The following KIF6 variants were observed in gnomAD, a reference collection of about 807,000 sequenced individuals.
KIF6 encodes kinesin family member 6, also known as kinesin-like protein KIF6.
In KIF6, 106 loss-of-function variants were observed where a neutral mutation model predicts 112.7. The observed-to-expected ratio is 0.94, with a 90% CI of 0.80 to 1.11. The LOEUF is 1.11. Ranked by LOEUF, KIF6 falls within the 50% of genes least tolerant of loss-of-function variation. The pLI is 0.00. For synonymous variants in KIF6, 339 were observed against 339.9 expected (o/e 1.00, Z 0.03); for missense variants, 929 against 964.0 (o/e 0.96, Z 0.48).
intron 3 of KIF6, among the ~76,000 whole-genome samples, chr6:39,676,901 G>A (rs1344166846): frequency 6.6e-6 from 1 of 152,030 alleles, no homozygotes; most frequent in East Asian, 1.9e-4. Context: ...GATTGCAAAT[G>A]TTGGCAAACC....
chr6:39,393,666 A>T (rs184346242), intron 15 of KIF6, among the ~76,000 whole-genome samples: 3 of 152,324 alleles, frequency 2.0e-5, no homozygotes, highest in Admixed American at 1.3e-4. Flanking sequence ...CAATAATAAC[A>T]AAGTGAAGAT....
At chr6:39,376,237 A>G (rs1201261641) in intron 16 of KIF6, among the ~76,000 whole-genome samples, 6 of 152,236 alleles carry the variant, frequency 3.9e-5, no homozygotes, top group African/African-American at 1.4e-4. Flanking sequence ...CAAGGAGTCA[A>G]CAATTTTATT....
chr6:39,690,811 A>T (rs1788159779), intron 3 of KIF6: 1 of 152,440 alleles, frequency 6.6e-6, no homozygotes, highest in Non-Finnish European at 1.5e-5. Flanking sequence ...GGGAGAACAG[A>T]GCAGGATCCA....
chr6:39,615,962 T>C (rs549820774), intron 5 of KIF6, among the ~76,000 whole-genome samples: 6 of 152,246 alleles, frequency 3.9e-5, no homozygotes, highest in African/African-American at 1.2e-4. Flanking sequence ...TAAACATCCA[T>C]AGGGTTTATA....
intron 13 of KIF6, among the ~76,000 whole-genome samples, chr6:39,451,340 A>G (rs979488152): frequency 2.6e-5 from 4 of 152,198 alleles, no homozygotes; most frequent in African/African-American, 7.2e-5. Context: ...GGGGCAGGCT[A>G]TTTTACTGAG....
intron 13 of KIF6, among the ~76,000 whole-genome samples, chr6:39,523,135 T>C (rs1002725389): frequency 1.3e-5 from 2 of 152,216 alleles, no homozygotes; most frequent in African/African-American, 4.8e-5. Flanking sequence ...CTCAGAAACC[T>C]GAGTGTAATC....
chr6:39,341,549 A>G (rs1192359563), intron 22 of KIF6, among the ~76,000 whole-genome samples: 3 of 152,166 alleles, frequency 2.0e-5, no homozygotes, highest in Non-Finnish European at 2.9e-5. Flanking sequence ...CCAACCAGAC[A>G]TGATGACTTG....
At chr6:39,620,762 AT>A in intron 5 of KIF6, among the ~76,000 whole-genome samples, 1 of 151,358 alleles carries the variant, frequency 6.6e-6, no homozygotes, top group African/African-American at 2.4e-5. Context: ...TTATTTATTT[AT>A]TTATTTATTT....
intron 19 of KIF6, among the ~76,000 whole-genome samples, chr6:39,348,116 AG>A (rs2113923803): frequency 1.3e-5 from 2 of 152,376 alleles, no homozygotes; most frequent in South Asian, 4.1e-4. Context: ...GGAAGGAGAA[AG>A]GGCTTTCCAT....
intron 13 of KIF6, among the ~76,000 whole-genome samples, chr6:39,506,322 T>C (rs9357306): frequency 0.45 from 68,519 of 151,766 alleles, 18,465 homozygotes; most frequent in African/African-American, 0.76. Flanking sequence ...GACACATGGA[T>C]GCAGGGAGGG....
chr6:39,471,968 G>A (rs1030363931), intron 13 of KIF6, among the ~76,000 whole-genome samples: 2 of 152,258 alleles, frequency 1.3e-5, no homozygotes, highest in South Asian at 2.1e-4. Context: ...AGTACCCGTG[G>A]CACTTAGAAT....
rs963208278 is a variant in KIF6, at chr6:39,378,684, C to A, written c.1861+6938G>T. Among the ~76,000 whole-genome samples, 3 of 152,224 alleles carry A rather than the reference C, an allele frequency of 2.0e-5. No individual in the cohort carries two copies. Among genetic ancestry groups the A allele is most frequent in the Non-Finnish European group, 4.4e-5 (3 of 68,046 alleles). On this transcript the variant is annotated intron_variant, in intron 16 of 22. Transcript: ENST00000287152. The surrounding 1 kb of genome is among the most constrained non-coding windows in gnomAD (Gnocchi z 5.0). ...CCTGTCCCTCTCACCTGACACATTT[C>A]ACATGCTGCTTGGTAGTGTGATGTA...
chr6:39,384,597 C>T lies in KIF6; in HGVS notation c.1861+1025G>A, dbSNP rs138778654. Among the ~76,000 whole-genome samples the T allele has an allele frequency of 8.9e-4, 136 of 152,242 alleles. 1 individual carries two copies. The highest frequency in any genetic ancestry group is 3.0e-3 in the African/African-American group (124 of 41,542). The stretch of plus-strand genomic sequence containing the variant: ...TATATCATCATTATTACTACTGAAA[C>T]GAAACAACCAACTTTCCTAATAATA... On this transcript the variant is annotated intron_variant, in intron 16 of 22. Transcript: ENST00000287152.
intron 3 of KIF6, among the ~76,000 whole-genome samples, chr6:39,643,424 T>C (rs1215958322): frequency 6.6e-6 from 1 of 152,170 alleles, no homozygotes; most frequent in Non-Finnish European, 1.5e-5. Context: ...CAAAACCTAC[T>C]ACAAAGCTAG....
chr6:39,589,577 G>A (rs1252594912), intron 7 of KIF6, among the ~76,000 whole-genome samples: 1 of 152,192 alleles, frequency 6.6e-6, no homozygotes, highest in African/African-American at 2.4e-5. Flanking sequence ...TGAAGGTCAT[G>A]TTTTGCTTAA....
intron 5 of KIF6, among the ~76,000 whole-genome samples, chr6:39,630,549 C>T (rs1784302731): frequency 6.6e-6 from 1 of 151,980 alleles, no homozygotes; most frequent in African/African-American, 2.4e-5. Context: ...TGCAACCTTG[C>T]CATAATCACT....
intron 13 of KIF6, among the ~76,000 whole-genome samples, chr6:39,467,621 A>C (rs2150434246): frequency 6.6e-6 from 1 of 152,310 alleles, no homozygotes; most frequent in South Asian, 2.1e-4. Context: ...ATTAGACTTC[A>C]CTGAGATAGT....
intron 13 of KIF6, among the ~76,000 whole-genome samples, chr6:39,502,497 C>T (rs1164676414): frequency 6.6e-6 from 1 of 152,122 alleles, no homozygotes; most frequent in Non-Finnish European, 1.5e-5. Flanking sequence ...CATAACAATA[C>T]TAACCTTAAG....
chr6:39,608,081 A>G (rs1782992481), intron 6 of KIF6, among the ~76,000 whole-genome samples: 1 of 152,104 alleles, frequency 6.6e-6, no homozygotes, highest in Admixed American at 6.6e-5. Flanking sequence ...ACATAAACCT[A>G]TTAACCCCAA....
Sources: allele counts gnomAD v4.1 joint callset (sites outside exome capture counted in the v4.1 genomes callset), GRCh38; gene constraint gnomAD v4.1.1; non-coding constraint Gnocchi (gnomAD v3.1); transcripts MANE v1.5; gene names NCBI Gene and HGNC (gene_info 2026-07-23, HGNC 2026-07-21).